SLC2A14: variants seen among roughly 807,000 people sequenced by gnomAD.
The protein encoded by SLC2A14 is solute carrier family 2 member 14.
A neutral mutation model predicts 43.0 loss-of-function variants in SLC2A14; 13 were observed. The ratio of observed to expected loss-of-function variants is 0.30; its 90% confidence interval spans 0.20 to 0.48. SLC2A14 has a LOEUF of 0.48. Ranked by LOEUF, SLC2A14 falls within the 20% of genes least tolerant of loss-of-function variation. The pLI is 0.99. For synonymous variants in SLC2A14, 190 were observed against 233.8 expected, an observed-to-expected ratio of 0.81 and a Z score of 1.71; for missense variants, 428 against 620.4, an observed-to-expected ratio of 0.69 and a Z score of 3.29.
chr12:7,842,814 C>T (rs758110595), intron 2 of SLC2A14, among the ~76,000 whole-genome samples: 36 of 151,824 alleles, frequency 2.4e-4, no homozygotes, highest in Admixed American at 1.1e-3. Context: ...TCGCAACCTC[C>T]GCCTCCCGCG....
At chr12:7,844,752 T>A (rs1244385653) in intron 2 of SLC2A14, among the ~76,000 whole-genome samples, 2 of 152,044 alleles carry the variant, frequency 1.3e-5, no homozygotes, top group African/African-American at 4.8e-5. Flanking sequence ...GCCAGGCTGG[T>A]CTCGAACCCC....
intron 8 of SLC2A14, among the ~76,000 whole-genome samples, chr12:7,820,969 C>T (rs892588283): frequency 2.6e-5 from 4 of 151,944 alleles, no homozygotes; most frequent in Non-Finnish European, 5.9e-5. Context: ...CACCTGTATC[C>T]GAGCTACTTC....
chr12:7,846,490 GT>G (rs1866477126), intron 2 of SLC2A14, among the ~76,000 whole-genome samples: 1 of 151,210 alleles, frequency 6.6e-6, no homozygotes. Flanking sequence ...TTTCATGTTG[GT>G]TTTTTTCTTT....
At chr12:7,875,184 TATAA>T (rs1215623359), upstream of SLC2A14, among the ~76,000 whole-genome samples, 1 of 136,254 alleles carries the variant, frequency 7.3e-6, no homozygotes, top group East Asian at 2.0e-4. Context: ...ATATATAATA[TATAA>T]ATATATTAAA....
chr12:7,826,909 C>CAT (rs1555121676), intron 7 of SLC2A14, among the ~76,000 whole-genome samples: 2 of 81,174 alleles, frequency 2.5e-5, no homozygotes, highest in African/African-American at 1.2e-4. Context: ...TTCTTTCTTT[C>CAT]TTTCTTTTTC....
intron 2 of SLC2A14, chr12:7,840,069 A>G (rs1351814290): frequency 8.3e-6 from 2 of 240,772 alleles, no homozygotes; most frequent in African/African-American, 5.2e-5. Flanking sequence ...CTATGATTGC[A>G]CCACTGAACT....
At chr12:7,830,582 G>A (rs764794764) in intron 4 of SLC2A14, among the ~76,000 whole-genome samples, 2 of 152,130 alleles carry the variant, frequency 1.3e-5, no homozygotes, top group Non-Finnish European at 2.9e-5. Context: ...GCTATAGTGA[G>A]CTATGATTGG....
intron 2 of SLC2A14, among the ~76,000 whole-genome samples, chr12:7,843,172 C>T (rs1866134425): frequency 6.8e-6 from 1 of 146,666 alleles, no homozygotes. Context: ...CCAATCCTTC[C>T]TGAGAAATAA....
intron 2 of SLC2A14, chr12:7,840,053 A>C (rs1865811227): frequency 3.2e-6 from 1 of 315,238 alleles, no homozygotes; most frequent in African/African-American, 2.4e-5. Context: ...TCAAGCCTGC[A>C]GTGAGCTATG....
chr12:7,821,821 C>CT (rs1349968222), intron 7 of SLC2A14, among the ~76,000 whole-genome samples: 6 of 99,070 alleles, frequency 6.1e-5, no homozygotes, highest in African/African-American at 2.6e-4. Context: ...TTTTGTATTT[C>CT]TTTCTTTTTT....
chr12:7,856,826 T>C (rs920763443), intron 2 of SLC2A14, among the ~76,000 whole-genome samples: 13 of 148,846 alleles, frequency 8.7e-5, no homozygotes, highest in African/African-American at 3.0e-4. Context: ...GAAGTGGGTA[T>C]TAATGAATGC....
chr12:7,880,352 A>C (rs1592330334), intron 1 of SLC2A14, among the ~76,000 whole-genome samples: 1 of 150,116 alleles, frequency 6.7e-6, no homozygotes, highest in African/African-American at 2.4e-5. Flanking sequence ...ACAACAACAA[A>C]AACACACACA....
chr12:7,855,981 C>A (rs1158611367), intron 2 of SLC2A14, among the ~76,000 whole-genome samples: 1 of 152,010 alleles, frequency 6.6e-6, no homozygotes, highest in Non-Finnish European at 1.5e-5. Context: ...ATGAAGTAGA[C>A]TTTTAAAAAA....
intron 1 of SLC2A14, among the ~76,000 whole-genome samples, chr12:7,885,208 C>A (rs1177594490): frequency 6.6e-6 from 1 of 152,078 alleles, no homozygotes; most frequent in African/African-American, 2.4e-5. Flanking sequence ...TGGTGGCTCA[C>A]GCCTGTACAG....
At chr12:7,879,058 T>C (rs1320251399) in intron 1 of SLC2A14, among the ~76,000 whole-genome samples, 1 of 150,288 alleles carries the variant, frequency 6.7e-6, no homozygotes, top group African/African-American at 2.4e-5. Flanking sequence ...TAGGGGTGTC[T>C]GAAGCCCATT....
intron 2 of SLC2A14, among the ~76,000 whole-genome samples, chr12:7,862,521 T>C (rs1944632485): frequency 6.6e-6 from 1 of 151,960 alleles, no homozygotes; most frequent in Non-Finnish European, 1.5e-5. Flanking sequence ...TGCCGCCCCC[T>C]GCTCCACGGC....
At position 7,846,223 on chromosome 12, in the gene SLC2A14, G is replaced by T. The variant is rs369224156; in HGVS notation, c.19-13409C>A. Reference sequence around the variant, plus strand: ...GAATTTGTGTCTAACCAGCTCTCCAGGTGGAGGTCAAAGGAAACGGTGGAA... The same window carrying T: ...GAATTTGTGTCTAACCAGCTCTCCATGTGGAGGTCAAAGGAAACGGTGGAA... On this transcript the variant is annotated intron_variant, in intron 2 of 10. Coordinates refer to ENST00000431042, the MANE Select transcript of SLC2A14 (RefSeq NM_001286234.2). Among the ~76,000 whole-genome samples the T allele has an allele frequency of 3.1e-3, 466 of 152,130 alleles. 2 individuals are homozygous for T. Among genetic ancestry groups the T allele is most frequent in the African/African-American group, 0.011 (453 of 41,506 alleles).
chr12:7,862,918 A>C (rs866644280), intron 2 of SLC2A14, among the ~76,000 whole-genome samples: 7 of 152,170 alleles, frequency 4.6e-5, no homozygotes, highest in Non-Finnish European at 7.4e-5. Flanking sequence ...AAACGCACCA[A>C]TCAGCCCCCT....
At position 7,829,625 on chromosome 12, in the gene SLC2A14, C is replaced by T. The variant is rs1864825845; in HGVS notation, c.513+141G>A. ...TCTTTTCCTTTCTCTACTCAACCTG[C>T]TTCTTCAGCTACTATCTATTATCTA... On this transcript the variant is annotated intron_variant, in intron 5 of 10. Coordinates refer to ENST00000431042, the MANE Select transcript of SLC2A14 (RefSeq NM_001286234.2). 1.5e-5 allele frequency: 19 copies of T among 1,252,310 alleles called. No homozygotes were observed. The South Asian group carries it at 3.1e-4, about 20-fold the overall frequency. 77.6% of individuals were successfully genotyped at this position (1,252,310 alleles called of 1,614,324 possible). A position where few individuals can be genotyped will look rare whatever the true frequency, so the allele number is the denominator to read the frequency against.
Sources: gnomAD v4.1 joint callset for allele counts (sites outside exome capture counted in the v4.1 genomes callset) on GRCh38, gnomAD v4.1.1 for gene constraint, MANE v1.5 for transcripts, NCBI Gene and HGNC (gene_info 2026-07-23, HGNC 2026-07-21) for gene names.